THADA: variants seen among roughly 807,000 people sequenced by gnomAD.
THADA encodes THADA armadillo repeat containing.
Under a neutral mutation model 219.8 loss-of-function variants are expected in THADA, and 213 were observed. The ratio of observed to expected loss-of-function variants is 0.97; its 90% CI spans 0.87 to 1.09. The LOEUF is 1.09. THADA is among the 50% of genes least tolerant of loss of function. THADA has a pLI of 0.00. For missense variants in THADA, 2,956 were observed against 2,311.3 expected (o/e 1.28, Z -5.72); for synonymous variants, 1,018 against 828.9 (o/e 1.23, Z -3.92).
chr2:43,235,569 C>CGTGAGCCA (rs1667943775), intron 36 of THADA, among the ~76,000 whole-genome samples: 1 of 151,882 alleles, frequency 6.6e-6, no homozygotes, highest in Admixed American at 6.6e-5. Context: ...TGGGATTACA[C>CGTGAGCCA]CCATGAGCCA....
intron 37 of THADA, among the ~76,000 whole-genome samples, chr2:43,232,001 A>T (rs925705785): frequency 1.3e-5 from 2 of 150,016 alleles, no homozygotes; most frequent in Non-Finnish European, 3.0e-5. Context: ...CCCACCCTGG[A>T]GGGGGCTAAT....
At chr2:43,503,975 G>A (rs1044591199) in intron 24 of THADA, among the ~76,000 whole-genome samples, 6 of 151,942 alleles carry the variant, frequency 3.9e-5, no homozygotes, top group African/African-American at 1.2e-4. Flanking sequence ...TTTAAAGCAC[G>A]GACATGACAT....
chr2:43,513,965 C>G (rs1427580304), intron 22 of THADA, among the ~76,000 whole-genome samples: 2 of 149,076 alleles, frequency 1.3e-5, no homozygotes, highest in African/African-American at 5.0e-5. Flanking sequence ...GAGGCTAAAG[C>G]AGGAAGATCA....
chr2:43,337,743 T>G (rs1340924898), intron 30 of THADA, among the ~76,000 whole-genome samples: 1 of 151,990 alleles, frequency 6.6e-6, no homozygotes, highest in African/African-American at 2.4e-5. Flanking sequence ...CAAAGATTTT[T>G]CTGAAACATC....
At chr2:43,401,590 A>C (rs911537280) in intron 28 of THADA, among the ~76,000 whole-genome samples, 1 of 152,188 alleles carries the variant, frequency 6.6e-6, no homozygotes, top group Admixed American at 6.5e-5. Context: ...GACATGATAC[A>C]TTTTTAATAG....
At chr2:43,385,782 T>C (rs1413455132) in intron 29 of THADA, among the ~76,000 whole-genome samples, 1 of 151,692 alleles carries the variant, frequency 6.6e-6, no homozygotes, top group Admixed American at 6.5e-5. Flanking sequence ...TACTGATCTC[T>C]TTGAAGATTA....
At chr2:43,350,501 A>G (rs1394145732) in intron 29 of THADA, among the ~76,000 whole-genome samples, 1 of 152,260 alleles carries the variant, frequency 6.6e-6, no homozygotes, top group Non-Finnish European at 1.5e-5. Flanking sequence ...ACTGAACCCC[A>G]ACTAGGCCGT....
chr2:43,448,901 A>AAAAC (rs1209745056), intron 26 of THADA, among the ~76,000 whole-genome samples: 2 of 152,266 alleles, frequency 1.3e-5, no homozygotes, highest in South Asian at 2.1e-4. Context: ...CAACAACAAC[A>AAAAC]AAACAAACAA....
At chr2:43,496,028 G>GC (rs969159759) in intron 25 of THADA, among the ~76,000 whole-genome samples, 1 of 152,170 alleles carries the variant, frequency 6.6e-6, no homozygotes, top group African/African-American at 2.4e-5. Flanking sequence ...GGGAGTCTGT[G>GC]CCTTTGGCTT....
intron 14 of THADA, among the ~76,000 whole-genome samples, chr2:43,569,440 C>T (rs905281359): frequency 2.6e-5 from 4 of 152,116 alleles, no homozygotes; most frequent in Non-Finnish European, 5.9e-5. Flanking sequence ...TTATAGTTGA[C>T]GAGACTCAAG....
chr2:43,438,768 G>C (rs1387588861), intron 26 of THADA, among the ~76,000 whole-genome samples: 1 of 152,162 alleles, frequency 6.6e-6, no homozygotes, highest in African/African-American at 2.4e-5. Flanking sequence ...GGATAGCACT[G>C]AACTGTGTAT....
intron 36 of THADA, among the ~76,000 whole-genome samples, chr2:43,250,569 T>C (rs1669713384): frequency 1.3e-5 from 2 of 152,006 alleles, no homozygotes; most frequent in African/African-American, 4.8e-5. Context: ...TATATAAACA[T>C]GAAAAAAGAA....
chr2:43,237,813 A>G (rs1209739882), intron 36 of THADA, among the ~76,000 whole-genome samples: 1 of 151,378 alleles, frequency 6.6e-6, no homozygotes, highest in Non-Finnish European at 1.5e-5. Context: ...CACAAGCAAC[A>G]CTAGAGAAAC....
intron 30 of THADA, among the ~76,000 whole-genome samples, chr2:43,322,830 C>A (rs144128964): frequency 6.6e-6 from 1 of 151,252 alleles, no homozygotes. Flanking sequence ...GGACTACAGG[C>A]GCCCGCCGCC....
chr2:43,510,910 G>A (rs1486107122), intron 22 of THADA, among the ~76,000 whole-genome samples: 2 of 151,458 alleles, frequency 1.3e-5, no homozygotes, highest in African/African-American at 2.4e-5. Flanking sequence ...AGCAGAGACT[G>A]CAGCGAGCCA....
Position 43,552,284 on chromosome 2 carries a change from A to G in THADA, c.2730T>C (p.Ser910=), listed in dbSNP as rs1696841844. Residue 910 remains serine (S), a synonymous_variant, in exon 18 of 38, where the codon TCT becomes TCC. Transcript: ENST00000405975. ...LEEEVSQAEN[S]LLQAAAAFPM... is the part of the protein sequence containing the mutation. ...GAAATGCTGCTGCTGCCTGAAGCAGAGAATTTTCAGCCTGAGATACTTCTT... is the reference window on the plus strand; with the variant it reads ...GAAATGCTGCTGCTGCCTGAAGCAGGGAATTTTCAGCCTGAGATACTTCTT... 1 of 1,610,844 alleles carries G rather than the reference A, an allele frequency of 6.2e-7. No individual in the cohort carries two copies. The highest frequency in any genetic ancestry group is 8.5e-7 in the Non-Finnish European group (1 of 1,179,076).
intron 29 of THADA, among the ~76,000 whole-genome samples, chr2:43,347,766 GACA>G (rs1324730316): frequency 3.9e-5 from 6 of 152,156 alleles, no homozygotes; most frequent in Non-Finnish European, 7.3e-5. Flanking sequence ...CTACTCAGGG[GACA>G]ACAAGTGGTC....
chr2:43,560,325 A>G lies in THADA; in HGVS notation c.2372T>C (p.Leu791Pro). The change falls in exon 16 of 38, where the codon CTA becomes CCA. Residue 791 changes from leucine to proline, a missense_variant. Physicochemically the swap from Leu to Pro is moderately conservative, Grantham distance 98. Transcript: ENST00000405975. ...AAAAGTGCTGGTAAAACATTCCATT[A>G]GTGTTTGGAAACGACCAACATCAAT... ...HDIDVGRFQTLMECFTSTFED... is the reference protein window; with the variant it reads ...HDIDVGRFQTPMECFTSTFED... 3 of 1,612,586 alleles carry G rather than the reference A, an allele frequency of 1.9e-6. No homozygotes were observed. The highest frequency in any genetic ancestry group is 2.5e-6 in the Non-Finnish European group (3 of 1,179,174).
chr2:43,544,057 A>C (rs1212608013), intron 20 of THADA, among the ~76,000 whole-genome samples: 2 of 152,172 alleles, frequency 1.3e-5, no homozygotes, highest in Admixed American at 1.3e-4. Context: ...TATAAGGTGT[A>C]AGGAAGGGAT....
Sources: allele counts gnomAD v4.1 joint callset (sites outside exome capture counted in the v4.1 genomes callset), GRCh38; gene constraint gnomAD v4.1.1; transcripts MANE v1.5; gene names NCBI Gene and HGNC (gene_info 2026-07-23, HGNC 2026-07-21).